The following NTRK3 variants were observed in gnomAD, a reference collection of about 807,000 sequenced individuals.
The protein encoded by NTRK3 is NT-3 growth factor receptor.
Under a neutral mutation model 91.7 loss-of-function variants are expected in NTRK3, and 24 were observed. The ratio of observed to expected loss-of-function variants is 0.26; its 90% CI spans 0.19 to 0.37. The LOEUF (loss-of-function observed/expected upper bound fraction) is 0.37, where lower values mean the gene tolerates loss of function less well. Among genes scored for constraint, NTRK3 ranks in the 10% least tolerant of loss-of-function variants. The pLI is 1.00. For synonymous variants in NTRK3, 483 were observed against 404.0 expected (o/e 1.20, Z -2.34); for missense variants, 880 against 1,068.9 (o/e 0.82, Z 2.46).
At chr15:88,155,094 T>A (rs772089116) in intron 5 of NTRK3, among the ~76,000 whole-genome samples, 59 of 152,154 alleles carry the variant, frequency 3.9e-4, no homozygotes, top group Non-Finnish European at 5.9e-5. Context: ...GGTATCCACA[T>A]CCAAATCTCG....
chr15:88,096,243 C>T (rs926150324), intron 13 of NTRK3, among the ~76,000 whole-genome samples: 1 of 152,290 alleles, frequency 6.6e-6, no homozygotes, highest in East Asian at 1.9e-4. Context: ...TCCTGACCAG[C>T]CCTCTCCTCC....
At chr15:88,147,288 C>T (rs749573202) in intron 6 of NTRK3, 47 bp downstream of exon 6, 10 of 1,542,916 alleles carry the variant, frequency 6.5e-6, no homozygotes, top group Non-Finnish European at 9.0e-6. Flanking sequence ...CCCATCCACC[C>T]ATTACCAGCA....
intron 3 of NTRK3, among the ~76,000 whole-genome samples, chr15:88,230,227 C>T (rs146030261): frequency 0.034 from 5,255 of 152,336 alleles, 140 homozygotes; most frequent in Non-Finnish European, 0.05. Flanking sequence ...ATTTGGGTGA[C>T]GCTCTTCTTC....
intron 17 of NTRK3, among the ~76,000 whole-genome samples, chr15:87,924,178 G>A (rs1223817984): frequency 1.3e-5 from 2 of 152,122 alleles, no homozygotes; most frequent in African/African-American, 2.4e-5. Flanking sequence ...GAAAGGGCAA[G>A]TAACTTGCCG....
At chr15:88,149,230 G>A (rs1197111099) in intron 5 of NTRK3, among the ~76,000 whole-genome samples, 1 of 152,184 alleles carries the variant, frequency 6.6e-6, no homozygotes, top group Non-Finnish European at 1.5e-5. Context: ...CTTTGGTGCA[G>A]TGGCTTGGTT....
At chr15:88,104,412 G>A (rs1239194158) in intron 13 of NTRK3, among the ~76,000 whole-genome samples, 1 of 152,222 alleles carries the variant, frequency 6.6e-6, no homozygotes, top group East Asian at 1.9e-4. Context: ...CTGAGCTCAT[G>A]TCTTGAAAAT....
chr15:87,933,356 T>C (rs921419629), intron 15 of NTRK3, among the ~76,000 whole-genome samples, 172 bp from the exon 16 acceptor site: 1 of 152,248 alleles, frequency 6.6e-6, no homozygotes, highest in African/African-American at 2.4e-5. Flanking sequence ...GACTCCTTCC[T>C]TCTCCAGCAT....
At chr15:87,914,863 G>A (rs1435087299) in intron 17 of NTRK3, among the ~76,000 whole-genome samples, 1 of 152,166 alleles carries the variant, frequency 6.6e-6, no homozygotes, top group Admixed American at 6.5e-5. Flanking sequence ...TTGGAGAGCT[G>A]GAGTACAGAC....
intron 5 of NTRK3, among the ~76,000 whole-genome samples, chr15:88,156,287 G>A (rs2043894961): frequency 6.6e-6 from 1 of 152,186 alleles, no homozygotes; most frequent in South Asian, 2.1e-4. Flanking sequence ...GTGCTGAGGA[G>A]GTGGAGAAGG....
chr15:87,911,828 G>A (rs1170575064), intron 17 of NTRK3, among the ~76,000 whole-genome samples: 1 of 152,196 alleles, frequency 6.6e-6, no homozygotes, highest in Non-Finnish European at 1.5e-5. Flanking sequence ...CATATATCAT[G>A]TATAGTCCTA....
chr15:88,002,031 T>C (rs1407232910), intron 14 of NTRK3, among the ~76,000 whole-genome samples: 5 of 152,094 alleles, frequency 3.3e-5, no homozygotes, highest in African/African-American at 1.2e-4. Context: ...AAAATGAGTA[T>C]AGATATCTAT....
chr15:87,862,771 T>A (rs1488167895), exon 19 of NTRK3: 5 of 229,438 alleles, frequency 2.2e-5, no homozygotes, highest in Non-Finnish European at 4.3e-5. Context: ...CTTATTGTGA[T>A]TGTTTAAGGC....
chr15:88,128,841 G>C (rs192674692), intron 10 of NTRK3, 107 bp from the exon 11 acceptor site: 14 of 1,013,362 alleles, frequency 1.4e-5, no homozygotes, highest in Admixed American at 1.2e-4. Flanking sequence ...ATGATTCCCT[G>C]TTCTCATGGC....
intron 14 of NTRK3, among the ~76,000 whole-genome samples, chr15:87,974,889 G>A (rs1444087719): frequency 6.6e-6 from 1 of 152,166 alleles, no homozygotes; most frequent in Non-Finnish European, 1.5e-5. Flanking sequence ...GGGTTGGAGG[G>A]GGGAGCACCT....
exon 19 of NTRK3, chr15:87,864,668 T>G (rs1446537442): frequency 1.7e-5 from 4 of 230,346 alleles, no homozygotes; most frequent in African/African-American, 8.9e-5. Flanking sequence ...TGTCTCCTTG[T>G]ATTTTTTAGA....
chr15:87,932,430 T>C (rs2068883745), intron 16 of NTRK3, among the ~76,000 whole-genome samples: 1 of 152,220 alleles, frequency 6.6e-6, no homozygotes, highest in Non-Finnish European at 1.5e-5. Flanking sequence ...TTAATTAATG[T>C]AAATCTAAAT....
chr15:87,866,916 A>G (rs1002591179), exon 19 of NTRK3: 1 of 212,578 alleles, frequency 4.7e-6, no homozygotes, highest in Non-Finnish European at 9.5e-6. Flanking sequence ...CTCCTCATCT[A>G]TAGAAATATA....
At chr15:88,007,159 T>C (rs1434012805) in intron 14 of NTRK3, among the ~76,000 whole-genome samples, 4 of 152,242 alleles carry the variant, frequency 2.6e-5, no homozygotes, top group Non-Finnish European at 5.9e-5. Flanking sequence ...CTAGGTATGA[T>C]ACAATGATAG....
intron 14 of NTRK3, among the ~76,000 whole-genome samples, chr15:88,001,526 G>A (rs1450039458): frequency 1.3e-5 from 2 of 152,122 alleles, no homozygotes; most frequent in Non-Finnish European, 1.5e-5. Context: ...ATGGTATGTG[G>A]TAGGGGTTCC....
Sources: allele counts gnomAD v4.1 joint callset (sites outside exome capture counted in the v4.1 genomes callset), GRCh38; gene constraint gnomAD v4.1.1; transcripts MANE v1.5; gene names NCBI Gene and HGNC (gene_info 2026-07-23, HGNC 2026-07-21).